GAD2: variants seen among roughly 807,000 people sequenced by gnomAD.
GAD2 encodes glutamate decarboxylase 2.
Under a neutral mutation model 80.1 loss-of-function variants are expected in GAD2, and 22 were observed. That is an observed-to-expected ratio of 0.27 (90% confidence interval 0.20 to 0.39). GAD2 has a LOEUF of 0.39. GAD2 is among the 10% of genes least tolerant of loss of function. The pLI is 1.00. For synonymous variants in GAD2, 274 were observed against 256.9 expected (o/e 1.07, Z -0.64); for missense variants, 624 against 738.4 (o/e 0.85, Z 1.80).
At chr10:26,259,944 G>A (rs1399495579) in intron 8 of GAD2, among the ~76,000 whole-genome samples, 4 of 151,950 alleles carry the variant, frequency 2.6e-5, no homozygotes, top group Admixed American at 1.3e-4. Context: ...CTCCTATTCC[G>A]GAAGCCACAC....
intron 8 of GAD2, among the ~76,000 whole-genome samples, chr10:26,258,330 C>G (rs939190450): frequency 2.0e-5 from 3 of 152,048 alleles, no homozygotes; most frequent in African/African-American, 7.3e-5. Context: ...AGAAGAGAAC[C>G]CTTAGTGTTC....
At chr10:26,248,241 A>G (rs11015012) in intron 8 of GAD2, among the ~76,000 whole-genome samples, 28,741 of 152,206 alleles carry the variant, frequency 0.19, 4,630 homozygotes, top group African/African-American at 0.44. Flanking sequence ...ATCTTGAAGC[A>G]GGACTTATAG....
At chr10:26,299,069 C>CA (rs1247382441) in intron 15 of GAD2, among the ~76,000 whole-genome samples, 2 of 152,124 alleles carry the variant, frequency 1.3e-5, no homozygotes, top group Non-Finnish European at 2.9e-5. Flanking sequence ...CAGAAGATCT[C>CA]AATGCTGGAA....
chr10:26,265,206 T>A (rs932854549), intron 8 of GAD2, among the ~76,000 whole-genome samples: 4 of 54,866 alleles, frequency 7.3e-5, no homozygotes, highest in African/African-American at 5.0e-4. Context: ...ATCATACGAC[T>A]TTTTTTTTTT....
At chr10:26,271,169 A>G (rs1297232114) in intron 10 of GAD2, among the ~76,000 whole-genome samples, 1 of 152,226 alleles carries the variant, frequency 6.6e-6, no homozygotes, top group Non-Finnish European at 1.5e-5. Flanking sequence ...AAAAACAAAC[A>G]AAAGCAAAAA....
chr10:26,227,659 G>C (rs1311117146), intron 6 of GAD2, among the ~76,000 whole-genome samples: 1 of 152,258 alleles, frequency 6.6e-6, no homozygotes, highest in Middle Eastern at 3.4e-3. Flanking sequence ...ATGGGCATCT[G>C]GTGGGTAGAA....
intron 7 of GAD2, among the ~76,000 whole-genome samples, chr10:26,238,356 C>G (rs1195295597): frequency 6.6e-6 from 1 of 152,170 alleles, no homozygotes; most frequent in Admixed American, 6.5e-5. Flanking sequence ...CTCACATCAC[C>G]TCTTTCCATT....
At chr10:26,293,741 C>T (rs1325075082) in intron 15 of GAD2, among the ~76,000 whole-genome samples, 4 of 152,170 alleles carry the variant, frequency 2.6e-5, no homozygotes, top group African/African-American at 9.7e-5. Context: ...GTCCTTAGAG[C>T]TGTGGTGACC....
At chr10:26,290,198 C>T (rs1028808875) in intron 13 of GAD2, among the ~76,000 whole-genome samples, 6 of 152,190 alleles carry the variant, frequency 3.9e-5, no homozygotes, top group Non-Finnish European at 8.8e-5. Context: ...TATTCAGCAT[C>T]TATTATCGTG....
At chr10:26,262,610 T>C (rs1845022511) in intron 8 of GAD2, among the ~76,000 whole-genome samples, 3 of 152,184 alleles carry the variant, frequency 2.0e-5, no homozygotes. Flanking sequence ...CCTAGCTTTT[T>C]TGGATTAATT....
intron 12 of GAD2, among the ~76,000 whole-genome samples, chr10:26,285,724 G>A (rs1259741556): frequency 2.6e-5 from 4 of 151,390 alleles, no homozygotes; most frequent in African/African-American, 4.9e-5. Context: ...TATGACATTT[G>A]AAAGATTGGT....
chr10:26,240,842 C>A (rs1221113746), intron 7 of GAD2, among the ~76,000 whole-genome samples: 1 of 152,034 alleles, frequency 6.6e-6, no homozygotes, highest in African/African-American at 2.4e-5. Context: ...CGAGACCATC[C>A]TGGCTAACGC....
intron 11 of GAD2, among the ~76,000 whole-genome samples, chr10:26,280,760 G>C (rs1352675666): frequency 6.6e-6 from 1 of 152,058 alleles, no homozygotes; most frequent in African/African-American, 2.4e-5. Context: ...TACCTATTGA[G>C]TACAGTGGTC....
chr10:26,233,596 TTCA>T (rs1416028583), intron 7 of GAD2, among the ~76,000 whole-genome samples: 1 of 152,202 alleles, frequency 6.6e-6, no homozygotes, highest in Non-Finnish European at 1.5e-5. Context: ...TTATTTTCAA[TTCA>T]TCATTTAGTG....
At chr10:26,245,865 G>A (rs1447477808) in intron 7 of GAD2, 56 bp from the exon 8 acceptor site, 2 of 1,333,658 alleles carry the variant, frequency 1.5e-6, no homozygotes, top group Non-Finnish European at 2.1e-6. Context: ...ACAGCCAGTG[G>A]AATGGATCTT....
intron 11 of GAD2, among the ~76,000 whole-genome samples, chr10:26,278,292 G>A (rs931833104): frequency 6.6e-6 from 1 of 152,246 alleles, no homozygotes; most frequent in East Asian, 1.9e-4. Context: ...GGAATGTATA[G>A]AATGGCCATG....
Position 26,222,149 on chromosome 10 carries a change from T to A in GAD2, c.521-1738T>A, listed in dbSNP as rs553364837. Among the ~76,000 whole-genome samples the A allele has an allele frequency of 5.9e-5, 9 of 152,148 alleles. No homozygotes were observed. In the East Asian group the frequency reaches 1.7e-3, roughly 29 times the overall value. ...GAAATGGCAGAGCAAGGTCAAAATATATATAGGGAGGAAGGGAAACCTAGC... is the reference window on the plus strand; with the variant it reads ...GAAATGGCAGAGCAAGGTCAAAATAAATATAGGGAGGAAGGGAAACCTAGC... On this transcript the variant is annotated intron_variant, in intron 4 of 15. Coordinates refer to ENST00000376261, the MANE Select transcript of GAD2 (RefSeq NM_001134366.2).
intron 7 of GAD2, among the ~76,000 whole-genome samples, chr10:26,242,353 C>G (rs953577154): frequency 1.3e-5 from 2 of 152,170 alleles, no homozygotes; most frequent in African/African-American, 4.8e-5. Context: ...TGCTTTCCAG[C>G]CTTCTCAGCA....
intron 11 of GAD2, among the ~76,000 whole-genome samples, chr10:26,279,265 G>C (rs920392279): frequency 2.6e-5 from 4 of 152,266 alleles, no homozygotes; most frequent in Non-Finnish European, 5.9e-5. Context: ...CATACTGAAA[G>C]AATCTGGGGC....
Sources: gnomAD v4.1 joint callset for allele counts (sites outside exome capture counted in the v4.1 genomes callset) on GRCh38, gnomAD v4.1.1 for gene constraint, MANE v1.5 for transcripts, NCBI Gene and HGNC (gene_info 2026-07-23, HGNC 2026-07-21) for gene names.